MN1: variants seen among roughly 807,000 people sequenced by gnomAD.
MN1 encodes MN1 proto-oncogene, transcriptional regulator, also known as transcriptional activator MN1.
In MN1, 19 loss-of-function variants were observed where a neutral mutation model predicts 86.9. The ratio of observed to expected loss-of-function variants is 0.22; its 90% confidence interval spans 0.15 to 0.32. The LOEUF (loss-of-function observed/expected upper bound fraction) is 0.32. MN1 is among the 10% of genes least tolerant of loss of function. The pLI is 1.00. For synonymous variants in MN1, 928 were observed against 849.6 expected (o/e 1.09, Z -1.60); for missense variants, 1,841 against 1,862.0 (o/e 0.99, Z 0.21).
In MN1 at chr22:27,798,505, A is replaced by C; in HGVS notation, c.2039T>G (p.Leu680Arg). ...TCCGGGCATCCTCATCGGCTCCTGC[A>C]GAGGGCCCCGGAACAGCACCCCCGA... ...GGSGVLFRGP[L>R]QEPMRMPGEG... Residue 680 changes from leucine to arginine, a missense_variant, in exon 1 of 2, where the codon CTG (leucine) becomes CGG (arginine). Physicochemically the swap from Leu to Arg is moderately radical, Grantham distance 102 (BLOSUM62 -2). Coordinates refer to ENST00000302326, the MANE Select transcript of MN1 (RefSeq NM_002430.3). The C allele has an allele frequency of 6.5e-7, 1 of 1,544,392 alleles. No individual in the cohort carries two copies. The highest frequency in any genetic ancestry group is 1.9e-5 in the Admixed American group (1 of 52,266).
intron 1 of MN1, among the ~76,000 whole-genome samples, chr22:27,795,713 CTA>C (rs200132640): frequency 2.1e-5 from 3 of 141,416 alleles, no homozygotes; most frequent in South Asian, 2.3e-4. Context: ...ATATATACAC[CTA>C]TATATATACA....
intron 1 of MN1, among the ~76,000 whole-genome samples, chr22:27,777,877 C>CA (rs754050669): frequency 0.054 from 7,545 of 139,392 alleles, 621 homozygotes; most frequent in African/African-American, 0.18. Context: ...ACTGCATCTC[C>CA]AAAAAAAAAA....
rs1235474605 is a variant in MN1 at position 27,789,072 on chromosome 22, G to A, written c.3781+7691C>T. ...TCATGAGTCAGGCTGCTCGAAGAGC[G>A]AGCAGGAAAAACAAAGCTGCAAGGG... On this transcript the variant is annotated intron_variant, in intron 1 of 1. Transcript: ENST00000302326. Among the ~76,000 whole-genome samples, 4 of 152,184 alleles carry A rather than the reference G, an allele frequency of 2.6e-5. No homozygotes were observed. In the East Asian group the frequency reaches 5.8e-4, roughly 22 times the overall value.
intron 1 of MN1, among the ~76,000 whole-genome samples, chr22:27,776,002 A>G (rs976248030): frequency 2.6e-5 from 4 of 152,200 alleles, no homozygotes; most frequent in Non-Finnish European, 5.9e-5. Flanking sequence ...AGGGAGGGGG[A>G]GCCACAAGGA....
chr22:27,798,257 C>T lies in MN1; in HGVS notation c.2287G>A (p.Val763Met), dbSNP rs756889884. ...RQSTPHSGPG[V>M]NSPPSAGGGG... Reference sequence around the variant, plus strand: ...CCTCCCGCGCTGGGGGGCGAGTTCACGCCTGGACCGCTGTGCGGCGTGGAC... The same window carrying T: ...CCTCCCGCGCTGGGGGGCGAGTTCATGCCTGGACCGCTGTGCGGCGTGGAC... Residue 763 changes from valine to methionine, a missense_variant, in exon 1 of 2, where the codon GTG becomes ATG. Coordinates refer to ENST00000302326, the MANE Select transcript of MN1 (RefSeq NM_002430.3). The T allele has an allele frequency of 6.6e-7, 1 of 1,526,144 alleles. No homozygotes were observed. 94.5% of individuals were successfully genotyped at this position (1,526,144 alleles called of 1,614,324 possible).
rs773589784 is a variant in MN1, at chr22:27,800,074, G to T, written c.470C>A (p.Ala157Glu). 1.3e-6 allele frequency: 2 copies of T among 1,598,368 alleles called. No homozygotes were observed. Among genetic ancestry groups the T allele is most frequent in the Non-Finnish European group, 1.7e-6 (2 of 1,178,088 alleles). The change falls in exon 1 of 2, where the codon GCG becomes GAG. Residue 157 changes from alanine (A) to glutamate (E), a missense_variant. By Grantham distance (107) the Ala-to-Glu change is moderately radical. Transcript: ENST00000302326. ...PPFAEGYEHMAESQGPESFGP... is the reference protein window; with the variant it reads ...PPFAEGYEHMEESQGPESFGP... ...GAAGCTCTCAGGCCCCTGGCTCTCCGCCATGTGCTCATAGCCCTCGGCGAA... is the reference window on the plus strand; with the variant it reads ...GAAGCTCTCAGGCCCCTGGCTCTCCTCCATGTGCTCATAGCCCTCGGCGAA...
chr22:27,771,574 T>A (rs756868568), intron 1 of MN1, among the ~76,000 whole-genome samples: 15 of 152,156 alleles, frequency 9.9e-5, no homozygotes, highest in Non-Finnish European at 1.9e-4. Context: ...AGATACTTCA[T>A]AACAAATGAA....
Position 27,750,585 on chromosome 22 carries a change from T to C in MN1, c.*330A>G, listed in dbSNP as rs1174815415. Reference sequence around the variant, plus strand: ...ACAAGGAAAGAGGTCATCTAAAAAATGTATGCCAAGATTACCGAAACATGG... The same window carrying C: ...ACAAGGAAAGAGGTCATCTAAAAAACGTATGCCAAGATTACCGAAACATGG... On this transcript the variant is annotated 3_prime_UTR_variant, in exon 2 of 2. Transcript: ENST00000302326. 1 of 257,966 alleles carries C rather than the reference T, an allele frequency of 3.9e-6. No homozygotes were observed. The highest frequency in any genetic ancestry group is 5.7e-5 in the East Asian group (1 of 17,596). 16.0% of individuals were successfully genotyped at this position (257,966 alleles called of 1,614,324 possible). A position where few individuals can be genotyped will look rare whatever the true frequency, so the allele number is the denominator to read the frequency against.
intron 1 of MN1, among the ~76,000 whole-genome samples, chr22:27,763,403 A>G (rs1356968079): frequency 6.6e-6 from 1 of 152,076 alleles, no homozygotes; most frequent in Non-Finnish European, 1.5e-5. Context: ...AGGGCTTTGC[A>G]TAGGGGTCAG....
Position 27,800,007 on chromosome 22 carries a change from T to C in MN1, c.537A>G (p.Ser179=), listed in dbSNP as rs375357013. The C allele has an allele frequency of 1.9e-6, 3 of 1,604,906 alleles. No individual in the cohort carries two copies. The highest frequency in any genetic ancestry group is 1.7e-6 in the Non-Finnish European group (2 of 1,178,948). The stretch of plus-strand genomic sequence containing the variant: ...CCGGCACGGCGTGGCTGGAGGCACC[T>C]GAACTGTGGAAGTCCGGGAGGTTCC... ...RPGNLPDFHS[S]GASSHAVPAP... is the part of the protein sequence containing the mutation. Residue 179 remains serine (S), a synonymous_variant, in exon 1 of 2, where the codon TCA becomes TCG. Coordinates refer to ENST00000302326, the MANE Select transcript of MN1 (RefSeq NM_002430.3).
At chr22:27,767,359 C>T (rs1264233877) in intron 1 of MN1, among the ~76,000 whole-genome samples, 1 of 152,186 alleles carries the variant, frequency 6.6e-6, no homozygotes, top group Non-Finnish European at 1.5e-5. Context: ...AGGGGCGACG[C>T]CCTCTCACAA....
chr22:27,781,355 T>C (rs934353949), intron 1 of MN1, among the ~76,000 whole-genome samples: 15 of 152,180 alleles, frequency 9.9e-5, no homozygotes, highest in African/African-American at 2.4e-4. Flanking sequence ...TTGTAGGACA[T>C]TGAACAGCAT....
Position 27,799,009 on chromosome 22 carries a change from A to C in MN1, c.1535T>G (p.Leu512Arg). Reference protein sequence around the residue: ...VPDSFPSGPPLQHPAPDHQSL... With the variant: ...VPDSFPSGPPRQHPAPDHQSL... The stretch of plus-strand genomic sequence containing the variant: ...CTGGTGGTCCGGGGCCGGATGCTGC[A>C]GGGGCGGCCCCGAAGGGAAGCTGTC... Residue 512 changes from leucine to arginine, a missense_variant, in exon 1 of 2, where the codon CTG (leucine) becomes CGG (arginine). By Grantham distance (102) the Leu-to-Arg change is moderately radical. Transcript: ENST00000302326. The C allele has an allele frequency of 6.2e-7, 1 of 1,610,494 alleles. No homozygotes were observed. The highest frequency in any genetic ancestry group is 1.1e-5 in the South Asian group (1 of 90,664).
intron 1 of MN1, among the ~76,000 whole-genome samples, chr22:27,792,317 C>CATATATATATATATAT (rs36207111): frequency 8.8e-6 from 1 of 114,046 alleles, no homozygotes; most frequent in Non-Finnish European, 1.9e-5. Context: ...ATAAAAATTG[C>CATATATATATATATAT]ATATATATAT....
intron 1 of MN1, among the ~76,000 whole-genome samples, chr22:27,782,195 C>A (rs1159985919): frequency 6.6e-6 from 1 of 152,168 alleles, no homozygotes; most frequent in Non-Finnish European, 1.5e-5. Flanking sequence ...GTGACCAGAC[C>A]ACAGGGTCTG....
intron 1 of MN1, among the ~76,000 whole-genome samples, chr22:27,789,254 C>T (rs746460269): frequency 2.0e-4 from 31 of 151,290 alleles, no homozygotes; most frequent in Non-Finnish European, 3.8e-4. Context: ...TTCCAAAGAT[C>T]TTCTATAGCA....
rs773379761 is a variant in MN1, at chr22:27,751,062, G to A, written c.3816C>T (p.Ser1272=). Residue 1272 remains serine (S), a synonymous_variant, in exon 2 of 2, where the codon TCC becomes TCT. Coordinates refer to ENST00000302326, the MANE Select transcript of MN1 (RefSeq NM_002430.3). ...GGCACTGCAAGTGGCTGCCAGGCTG[G>A]GATGCTGAGGCCTTGTTTGCAGGGA... ...HDLPANKASA[S]QPGSHLQCLS... 1 of 1,595,108 alleles carries A rather than the reference G, an allele frequency of 6.3e-7. No individual in the cohort carries two copies. The highest frequency in any genetic ancestry group is 8.6e-7 in the Non-Finnish European group (1 of 1,167,858).
In MN1 at chr22:27,800,629, A is replaced by G. The variant is rs1933418718; in HGVS notation, c.-86T>C. The stretch of plus-strand genomic sequence containing the variant: ...TCCGGCCAGCTACTCGTTCCAGCCC[A>G]GGATTGGGCGCTCCGGGACGCTCAG... On this transcript the variant is annotated 5_prime_UTR_variant, in exon 1 of 2. Transcript: ENST00000302326. The G allele has an allele frequency of 3.8e-6, 6 of 1,589,436 alleles. No individual in the cohort carries two copies. The highest frequency in any genetic ancestry group is 4.3e-6 in the Non-Finnish European group (5 of 1,172,056).
chr22:27,799,417 G>C lies in MN1; in HGVS notation c.1127C>G (p.Pro376Arg). 2 of 1,486,806 alleles carry C rather than the reference G, an allele frequency of 1.3e-6. No individual in the cohort carries two copies. Among genetic ancestry groups the C allele is most frequent in the Non-Finnish European group, 1.8e-6 (2 of 1,123,388 alleles). The allele number at this position is 1,486,806 out of a possible 1,614,324, so 92.1% of individuals were successfully genotyped here. A position where few individuals can be genotyped will look rare whatever the true frequency, so the allele number is the denominator to read the frequency against. Reference protein sequence around the residue: ...GLLVRQNSCPPALPRPQQGEA... With the variant: ...GLLVRQNSCPRALPRPQQGEA... ...GCCCTGCTGGGGCCGAGGGAGCGCA[G>C]GCGGGCACGAATTTTGTCGGACTAG... Residue 376 changes from proline (P) to arginine (R), a missense_variant, in exon 1 of 2, where the codon CCT (proline) becomes CGT (arginine). Pro to Arg is a moderately radical substitution (Grantham distance 103). Transcript: ENST00000302326.
Sources: allele counts gnomAD v4.1 joint callset (sites outside exome capture counted in the v4.1 genomes callset), GRCh38; gene constraint gnomAD v4.1.1; transcripts MANE v1.5; gene names NCBI Gene and HGNC (gene_info 2026-07-23, HGNC 2026-07-21).